Variants in ZNF516 observed in about 807,000 individuals in gnomAD.
ZNF516 encodes the protein zinc finger protein 516.
In ZNF516, 19 loss-of-function variants were observed where a neutral mutation model predicts 79.7. The observed-to-expected ratio is 0.24, with a 90% CI of 0.17 to 0.35. The LOEUF is 0.35. Ranked by LOEUF, ZNF516 falls within the 10% of genes least tolerant of loss-of-function variation. ZNF516 has a pLI of 1.00. For missense variants in ZNF516, 1,678 were observed against 1,679.5 expected (o/e 1.00, Z 0.02); for synonymous variants, 877 against 739.5 (o/e 1.19, Z -3.02).
At chr18:76,455,754 A>G (rs1215246587) in intron 2 of ZNF516, among the ~76,000 whole-genome samples, 2 of 149,406 alleles carry the variant, frequency 1.3e-5, no homozygotes, top group African/African-American at 4.8e-5. Flanking sequence ...CTGTGTCACA[A>G]AGAGTCTGCA....
At chr18:76,436,818 A>C (rs2075744560) in intron 3 of ZNF516, among the ~76,000 whole-genome samples, 1 of 152,042 alleles carries the variant, frequency 6.6e-6, no homozygotes, top group East Asian at 1.9e-4. Context: ...CTGGAATCCC[A>C]GCACTCTGGG....
chr18:76,492,661 G>A (rs1422812792), intron 1 of ZNF516: 1 of 950,458 alleles, frequency 1.1e-6, no homozygotes, highest in Non-Finnish European at 1.3e-6. Context: ...ACCAGGGCGC[G>A]CGTGCCCAGG....
intron 2 of ZNF516, among the ~76,000 whole-genome samples, chr18:76,460,389 C>T (rs147379755): frequency 6.6e-6 from 1 of 152,218 alleles, no homozygotes; most frequent in Non-Finnish European, 1.5e-5. Flanking sequence ...TCTCTGGTGC[C>T]TGGAATGAGC....
In ZNF516 at chr18:76,441,381, T is replaced by C; in HGVS notation, c.1674A>G (p.Ser558=). 6.2e-7 allele frequency: 1 copy of C among 1,610,432 alleles called. No individual in the cohort carries two copies. The highest frequency in any genetic ancestry group is 1.7e-5 in the Admixed American group (1 of 59,914). ...GGGAGGCCGAGTCACCCTCACTGAG[T>C]GATCCGCAGCGGGCCCGCGCCGCCC... ...GDRAARARCG[S]LSEGDSASQP... The change falls in exon 3 of 7, where the codon TCA becomes TCG. Residue 558 remains serine (S), a synonymous_variant. Transcript: ENST00000443185.
At chr18:76,466,349 G>GC (rs148980814) in intron 1 of ZNF516, among the ~76,000 whole-genome samples, 2,543 of 152,294 alleles carry the variant, frequency 0.017, 79 homozygotes, top group African/African-American at 0.057. Flanking sequence ...AGGACCTCCT[G>GC]CCCCTTGAGA....
intron 2 of ZNF516, among the ~76,000 whole-genome samples, chr18:76,447,924 G>C (rs901143574): frequency 6.6e-6 from 1 of 152,098 alleles, no homozygotes; most frequent in South Asian, 2.1e-4. Context: ...TGTTTCTCCA[G>C]AGATGTAATC....
At chr18:76,400,110 G>A (rs532790262) in intron 3 of ZNF516, among the ~76,000 whole-genome samples, 26 of 152,230 alleles carry the variant, frequency 1.7e-4, no homozygotes, top group African/African-American at 6.0e-4. Context: ...AGGCAGGAGG[G>A]TGTGAAAGGG....
Position 76,442,221 on chromosome 18 carries a change from G to A in ZNF516, c.834C>T (p.Cys278=), listed in dbSNP as rs1270029019. Residue 278 remains cysteine (C), a synonymous_variant, in exon 3 of 7, where the codon TGC becomes TGT. Transcript: ENST00000443185. Reference sequence around the variant, plus strand: ...CCTTGAACCTACGGCCGCAGATGTGGCAGCCGTGGTCGAAGGAGCCCCGGT... The same window carrying A: ...CCTTGAACCTACGGCCGCAGATGTGACAGCCGTGGTCGAAGGAGCCCCGGT... The part of the protein sequence containing the change: ...KKHRGSFDHG[C]HICGRRFKEP... The A allele has an allele frequency of 1.2e-6, 2 of 1,613,810 alleles. No homozygotes were observed. Among genetic ancestry groups the A allele is most frequent in the Non-Finnish European group, 1.7e-6 (2 of 1,179,868 alleles).
At chr18:76,460,329 G>A (rs2145667119) in intron 2 of ZNF516, among the ~76,000 whole-genome samples, 2 of 152,294 alleles carry the variant, frequency 1.3e-5, no homozygotes, top group Middle Eastern at 6.8e-3. Context: ...AAGGCTGTGA[G>A]CCCATTCCCT....
intron 3 of ZNF516, among the ~76,000 whole-genome samples, chr18:76,434,084 G>A (rs757169571): frequency 2.7e-5 from 4 of 147,788 alleles, no homozygotes; most frequent in Admixed American, 6.7e-5. Context: ...CTGACGGCTC[G>A]GAGTGGAATC....
intron 3 of ZNF516, among the ~76,000 whole-genome samples, chr18:76,417,571 C>T (rs908571458): frequency 2.0e-5 from 3 of 152,122 alleles, no homozygotes; most frequent in Admixed American, 2.0e-4. Context: ...CCATAAAAAC[C>T]TATTTCAGAA....
chr18:76,378,639 C>T (rs532261513), intron 4 of ZNF516, among the ~76,000 whole-genome samples: 2 of 152,330 alleles, frequency 1.3e-5, no homozygotes, highest in South Asian at 2.1e-4. Context: ...GCAGGCATTC[C>T]CCGGCAGGGC....
chr18:76,491,376 G>T (rs866170453), intron 1 of ZNF516, among the ~76,000 whole-genome samples: 1 of 122,892 alleles, frequency 8.1e-6, no homozygotes, highest in Non-Finnish European at 1.7e-5. Flanking sequence ...CTCCTCCTCC[G>T]GGCCTCGCTC....
At chr18:76,424,383 C>T (rs1442488107) in intron 3 of ZNF516, among the ~76,000 whole-genome samples, 2 of 59,632 alleles carry the variant, frequency 3.4e-5, no homozygotes, top group Non-Finnish European at 9.0e-5. Flanking sequence ...GTGAAAGGGT[C>T]CCCCCCGAAA....
At chr18:76,434,639 T>C (rs2075706236) in intron 3 of ZNF516, among the ~76,000 whole-genome samples, 1 of 152,194 alleles carries the variant, frequency 6.6e-6, no homozygotes, top group Non-Finnish European at 1.5e-5. Context: ...CATCCCGGCC[T>C]GCGTACAACA....
Position 76,441,438 on chromosome 18 carries a change from G to A in ZNF516, c.1617C>T (p.Arg539=), listed in dbSNP as rs762302623. Residue 539 remains arginine (R), a synonymous_variant, in exon 3 of 7, where the codon CGC becomes CGT. Transcript: ENST00000443185. Reference sequence around the variant, plus strand: ...CGTCACTGTCCCTCTCGCGGCGCGCGCGGCGATGCACGCGTGAGTGCAGCA... The same window carrying A: ...CGTCACTGTCCCTCTCGCGGCGCGCACGGCGATGCACGCGTGAGTGCAGCA... The part of the protein sequence containing the change: ...QMVLHSRVHR[R]ARRERDSDGD... 7 of 1,607,068 alleles carry A rather than the reference G, an allele frequency of 4.4e-6. No individual in the cohort carries two copies. The highest frequency in any genetic ancestry group is 3.4e-5 in the Admixed American group (2 of 59,614).
At chr18:76,415,551 C>A (rs1333942962) in intron 3 of ZNF516, among the ~76,000 whole-genome samples, 1 of 152,146 alleles carries the variant, frequency 6.6e-6, no homozygotes, top group Non-Finnish European at 1.5e-5. Context: ...GCAGAACCTG[C>A]CTCTCCGTTG....
At chr18:76,485,360 GATA>G (rs1413148458) in intron 1 of ZNF516, among the ~76,000 whole-genome samples, 1 of 152,176 alleles carries the variant, frequency 6.6e-6, no homozygotes, top group Non-Finnish European at 1.5e-5. Flanking sequence ...CTGTGTCACT[GATA>G]ATGTCAATAT....
At chr18:76,391,512 C>G (rs1454351472) in intron 3 of ZNF516, among the ~76,000 whole-genome samples, 1 of 152,064 alleles carries the variant, frequency 6.6e-6, no homozygotes, top group East Asian at 1.9e-4. Context: ...CAACTCTAAA[C>G]CTAACCCAAA....
Sources: allele counts gnomAD v4.1 joint callset (sites outside exome capture counted in the v4.1 genomes callset), GRCh38; gene constraint gnomAD v4.1.1; transcripts MANE v1.5; gene names NCBI Gene and HGNC (gene_info 2026-07-23, HGNC 2026-07-21).